Variants in HOXB3 observed in about 807,000 individuals in gnomAD.
HOXB3 encodes homeobox protein Hox-B3.
HOXB3 carries 17 observed loss-of-function variants against 29.2 expected under a neutral mutation model. That is an observed-to-expected ratio of 0.58 (90% CI 0.40 to 0.87). The LOEUF is 0.87. Ranked by LOEUF, HOXB3 falls within the 40% of genes least tolerant of loss-of-function variation. HOXB3 has a pLI of 0.00. For missense variants in HOXB3, 637 were observed against 616.3 expected (o/e 1.03, Z -0.35); for synonymous variants, 317 against 285.9 (o/e 1.11, Z -1.10).
Position 48,585,102 on chromosome 17 carries a change from C to T in HOXB3, c.-425+5023G>A, listed in dbSNP as rs185491454. 2.8e-4 allele frequency among the ~76,000 whole-genome samples: 43 copies of T among 152,276 alleles called. No individual in the cohort carries two copies. In the South Asian group the frequency reaches 3.1e-3, roughly 11 times the overall value. On this transcript the variant is annotated intron_variant, in intron 1 of 4. Coordinates refer to ENST00000498678, the MANE Select transcript of HOXB3 (RefSeq NM_001384749.1). ...CAAAACGCTTTCCTTACCCCTCCCC[C>T]CTTCGCCAATGTCCCTACTACCCCA...
chr17:48,560,635 G>C (rs868198604), intron 2 of HOXB3, among the ~76,000 whole-genome samples: 2 of 152,142 alleles, frequency 1.3e-5, no homozygotes, highest in Admixed American at 6.5e-5. Flanking sequence ...AAATTTCCTT[G>C]CTCACAACCA....
intron 1 of HOXB3, chr17:48,577,970 G>A: frequency 7.6e-7 from 1 of 1,312,786 alleles, no homozygotes; most frequent in South Asian, 3.0e-5. Context: ...AGGCGGCGGG[G>A]GGCTGCTGCT....
intron 2 of HOXB3, among the ~76,000 whole-genome samples, chr17:48,568,665 AC>A (rs1346285910): frequency 9.2e-5 from 14 of 152,202 alleles, no homozygotes; most frequent in Middle Eastern, 3.4e-3. Context: ...ACACACACAC[AC>A]AATGGCTGGC....
At position 48,579,814 on chromosome 17, in the gene HOXB3, A is replaced by T. The variant is rs538974730; in HGVS notation, c.-424-5800T>A. ...AAAAATACTACATATACATATATAT[A>T]TATTTTTTTCTTCTGGAAAAATAAG... On this transcript the variant is annotated intron_variant, in intron 1 of 4. Coordinates refer to ENST00000498678, the MANE Select transcript of HOXB3 (RefSeq NM_001384749.1). 1.8e-4 allele frequency: 82 copies of T among 456,148 alleles called. 2 individuals carry two copies. The highest frequency in any genetic ancestry group is 9.9e-4 in the Admixed American group (38 of 38,530). The allele number at this position is 456,148 out of a possible 1,614,324, so 28.3% of individuals were successfully genotyped here.
chr17:48,567,295 G>A lies in HOXB3; in HGVS notation c.-247+6542C>T, dbSNP rs142299887. Among the ~76,000 whole-genome samples, 692 of 152,352 alleles carry A rather than the reference G, an allele frequency of 4.5e-3. 5 individuals are homozygous for A. Among genetic ancestry groups the A allele is most frequent in the African/African-American group, 0.016 (652 of 41,578 alleles). ...TGCCACTCCACGTAGTGGATGCCATGAATAATTAACACCTGGGCGCGGCGT... is the reference window on the plus strand; with the variant it reads ...TGCCACTCCACGTAGTGGATGCCATAAATAATTAACACCTGGGCGCGGCGT... On this transcript the variant is annotated intron_variant, in intron 2 of 4. Coordinates refer to ENST00000498678, the MANE Select transcript of HOXB3 (RefSeq NM_001384749.1).
chr17:48,559,725 G>A (rs1399193026), intron 2 of HOXB3: 1 of 152,308 alleles, frequency 6.6e-6, no homozygotes, highest in Non-Finnish European at 1.5e-5. Context: ...AGGGAGAAGA[G>A]GAGACTCGCA....
chr17:48,577,866 T>G, intron 1 of HOXB3: 1 of 1,403,632 alleles, frequency 7.1e-7, no homozygotes, highest in Non-Finnish European at 9.3e-7. Flanking sequence ...CACTCACCCG[T>G]GCTCACGTGA....
intron 2 of HOXB3, chr17:48,560,253 G>A (rs1363839794): frequency 6.6e-6 from 1 of 152,298 alleles, no homozygotes; most frequent in African/African-American, 2.4e-5. Context: ...CAGACTGGAT[G>A]TTTCTCTCCC....
chr17:48,586,352 G>A (rs2144918800), intron 1 of HOXB3, among the ~76,000 whole-genome samples: 1 of 152,314 alleles, frequency 6.6e-6, no homozygotes, highest in South Asian at 2.1e-4. Flanking sequence ...TCTTCCTCTT[G>A]GAGCCTGCAA....
chr17:48,576,719 G>A (rs537257453), intron 1 of HOXB3: 246 of 1,599,366 alleles, frequency 1.5e-4, no homozygotes, highest in Non-Finnish European at 1.9e-4. Context: ...GCGTGCGGGG[G>A]CACTAGAGCG....
chr17:48,584,010 G>A (rs542439294), intron 1 of HOXB3, among the ~76,000 whole-genome samples: 114 of 152,326 alleles, frequency 7.5e-4, no homozygotes, highest in African/African-American at 2.6e-3. Context: ...GTAAATGCTT[G>A]GAAGAGCAGA....
intron 1 of HOXB3, chr17:48,579,141 C>T (rs1490242104): frequency 1.3e-5 from 2 of 152,302 alleles, no homozygotes; most frequent in African/African-American, 4.8e-5. Context: ...TTCTCCTATC[C>T]ACTCCTCCCT....
chr17:48,576,748 G>A, intron 1 of HOXB3: 1 of 1,612,644 alleles, frequency 6.2e-7, no homozygotes, highest in South Asian at 1.1e-5. Flanking sequence ...CCTCCATTGG[G>A]CCGGCCAGGG....
chr17:48,583,750 C>T (rs1228693536), intron 1 of HOXB3, among the ~76,000 whole-genome samples: 1 of 152,218 alleles, frequency 6.6e-6, no homozygotes, highest in Admixed American at 6.5e-5. Context: ...TCAGTTCAGG[C>T]TTTGACATCT....
intron 1 of HOXB3, chr17:48,578,725 G>A (rs1057495631): frequency 4.6e-6 from 1 of 217,840 alleles, no homozygotes; most frequent in Non-Finnish European, 9.0e-6. Context: ...AAGAAGTTGG[G>A]GCTCCCGGTG....
chr17:48,586,178 T>C (rs1260421086), intron 1 of HOXB3, among the ~76,000 whole-genome samples: 1 of 151,978 alleles, frequency 6.6e-6, no homozygotes, highest in Non-Finnish European at 1.5e-5. Flanking sequence ...AAGAGGAACT[T>C]TAGGGGGAGA....
Position 48,551,179 on chromosome 17 carries a change from C to T in HOXB3, c.451G>A (p.Glu151Lys), listed in dbSNP as rs1407050582. Reference protein sequence around the residue: ...KLKNNSPGTAEGCGGGGGGGG... With the variant: ...KLKNNSPGTAKGCGGGGGGGG... ...CCACCGCCGCCGCCACCACAGCCCT[C>T]TGCTGGATCCGAGGGGGAGGGGTGG... The change falls in exon 5 of 5, where the codon GAG (glutamate) becomes AAG (lysine). Residue 151 changes from glutamate (E) to lysine (K), a missense_variant and splice_region_variant. By Grantham distance (56) the Glu-to-Lys change is moderately conservative. Coordinates refer to ENST00000498678, the MANE Select transcript of HOXB3 (RefSeq NM_001384749.1). 2.3e-6 allele frequency: 3 copies of T among 1,292,858 alleles called. No homozygotes were observed. The highest frequency in any genetic ancestry group is 3.1e-5 in the African/African-American group (2 of 65,010). 80.1% of individuals were successfully genotyped at this position (1,292,858 alleles called of 1,614,324 possible). A position where few individuals can be genotyped will look rare whatever the true frequency, so the allele number is the denominator to read the frequency against.
rs1385990113 is a variant in HOXB3, at chr17:48,550,126, G to A, written c.*208C>T. On this transcript the variant is annotated 3_prime_UTR_variant, in exon 5 of 5. Coordinates refer to ENST00000498678, the MANE Select transcript of HOXB3 (RefSeq NM_001384749.1). ...AATATGATGTGGATTCCTTTCCGATGGGTTGGCAGGCAGATGGAACAAGGG... is the reference window on the plus strand; with the variant it reads ...AATATGATGTGGATTCCTTTCCGATAGGTTGGCAGGCAGATGGAACAAGGG... 1 of 607,790 alleles carries A rather than the reference G, an allele frequency of 1.6e-6. No individual in the cohort carries two copies. Among genetic ancestry groups the A allele is most frequent in the Non-Finnish European group, 2.9e-6 (1 of 350,376 alleles). The allele number at this position is 607,790 out of a possible 1,614,324, so 37.6% of individuals were successfully genotyped here.
chr17:48,567,306 A>ACCTGGG (rs2144835263), intron 2 of HOXB3, among the ~76,000 whole-genome samples: 2 of 152,280 alleles, frequency 1.3e-5, no homozygotes, highest in South Asian at 4.1e-4. Context: ...AATAATTAAC[A>ACCTGGG]CCTGGGCGCG....
Sources: allele counts gnomAD v4.1 joint callset (sites outside exome capture counted in the v4.1 genomes callset), GRCh38; gene constraint gnomAD v4.1.1; transcripts MANE v1.5; gene names NCBI Gene and HGNC (gene_info 2026-07-23, HGNC 2026-07-21).